Variants in MACROD2 observed in about 807,000 individuals in gnomAD.
The protein encoded by MACROD2 is ADP-ribose glycohydrolase MACROD2.
MACROD2 carries 36 observed loss-of-function variants against 70.4 expected under a neutral mutation model. That is an observed-to-expected ratio of 0.51 (90% CI 0.39 to 0.68). MACROD2 has a LOEUF of 0.68. Among genes scored for constraint, MACROD2 ranks in the 30% least tolerant of loss-of-function variants. The probability of loss-of-function intolerance (pLI) is 0.00; values close to 1 mark genes in which losing one functional copy is unlikely to be tolerated. For missense variants in MACROD2, 496 were observed against 538.4 expected, an observed-to-expected ratio of 0.92 and a Z score of 0.78; for synonymous variants, 172 against 178.8, an observed-to-expected ratio of 0.96 and a Z score of 0.30.
intron 5 of MACROD2, among the ~76,000 whole-genome samples, chr20:15,042,995 G>T (rs1388482751): frequency 6.6e-6 from 1 of 152,136 alleles, no homozygotes; most frequent in East Asian, 1.9e-4. Flanking sequence ...CAACATTCCT[G>T]GAAGTTTGTG....
intron 5 of MACROD2, among the ~76,000 whole-genome samples, chr20:15,098,827 T>A (rs1235365140): frequency 6.6e-6 from 1 of 152,060 alleles, no homozygotes; most frequent in Admixed American, 6.6e-5. Context: ...AATCAGAGAG[T>A]GTTCTAGAGA....
intron 6 of MACROD2, among the ~76,000 whole-genome samples, chr20:15,236,325 T>C (rs1274653139): frequency 6.6e-6 from 1 of 152,122 alleles, no homozygotes; most frequent in Non-Finnish European, 1.5e-5. Context: ...CATGGAATGA[T>C]AGTAAATTCA....
chr20:16,014,657 C>T (rs528283316), intron 15 of MACROD2, among the ~76,000 whole-genome samples: 1 of 152,320 alleles, frequency 6.6e-6, no homozygotes, highest in East Asian at 1.9e-4. Flanking sequence ...GGCCATGTCC[C>T]CTTCCTGTCC....
At chr20:15,239,437 T>C (rs1277505915) in intron 6 of MACROD2, among the ~76,000 whole-genome samples, 3 of 152,156 alleles carry the variant, frequency 2.0e-5, no homozygotes, top group Non-Finnish European at 2.9e-5. Context: ...TATTTTTGTT[T>C]GTTTATTTTA....
chr20:15,156,729 G>A (rs1453903958), intron 5 of MACROD2, among the ~76,000 whole-genome samples: 1 of 152,148 alleles, frequency 6.6e-6, no homozygotes, highest in Admixed American at 6.5e-5. Context: ...GAAGTCAAGG[G>A]TCTTCAGAGG....
At chr20:14,448,636 C>G (rs137885681) in intron 3 of MACROD2, among the ~76,000 whole-genome samples, 92 of 151,744 alleles carry the variant, frequency 6.1e-4, no homozygotes, top group African/African-American at 2.2e-3. Flanking sequence ...CCACTGCACT[C>G]CAGCCTGGGC....
chr20:14,785,492 G>A (rs188662568), intron 5 of MACROD2, among the ~76,000 whole-genome samples: 196 of 151,474 alleles, frequency 1.3e-3, no homozygotes, highest in Non-Finnish European at 1.9e-3. Flanking sequence ...AGTCCCCCTG[G>A]GGGACTTGGA....
chr20:14,862,486 AAT>A lies in MACROD2; in HGVS notation c.418+177537_418+177538del, dbSNP rs1355111782. Reference sequence around the variant, plus strand: ...AAATATATATATATAAATATATATAAATATATATATAAATATATATAAATATA... The same window carrying A: ...AAATATATATATATAAATATATATAAATATATATAAATATATATAAATATA... On this transcript the variant is annotated intron_variant, in intron 5 of 17. Transcript: ENST00000684519. Among the ~76,000 whole-genome samples, 3 of 9,162 alleles carry A rather than the reference AAT, an allele frequency of 3.3e-4. 1 individual carries two copies. Among genetic ancestry groups the A allele is most frequent in the South Asian group, 6.5e-3 (2 of 308 alleles). The allele number at this position is 9,162 out of a possible 152,430, so 6.0% of individuals were successfully genotyped here.
intron 4 of MACROD2, among the ~76,000 whole-genome samples, chr20:14,600,343 T>TATACAC (rs1320891260): frequency 1.5e-5 from 2 of 130,216 alleles, no homozygotes; most frequent in African/African-American, 6.3e-5. Flanking sequence ...TATATATATA[T>TATACAC]ACACACACAC....
At chr20:15,481,427 A>G (rs6043314) in intron 7 of MACROD2, among the ~76,000 whole-genome samples, 8,991 of 152,262 alleles carry the variant, frequency 0.059, 865 homozygotes, top group African/African-American at 0.2. Flanking sequence ...GATGAGGTAA[A>G]TGTTGTCACA....
chr20:14,882,428 G>C (rs2073620582), intron 5 of MACROD2, among the ~76,000 whole-genome samples: 1 of 152,132 alleles, frequency 6.6e-6, no homozygotes, highest in South Asian at 2.1e-4. Flanking sequence ...CTGAAGGGAA[G>C]AAGCATGTTT....
intron 5 of MACROD2, among the ~76,000 whole-genome samples, chr20:15,207,834 T>G (rs1439062061): frequency 6.6e-6 from 1 of 152,200 alleles, no homozygotes; most frequent in Non-Finnish European, 1.5e-5. Flanking sequence ...TTTGCTGCAT[T>G]CAAGATTTTT....
intron 5 of MACROD2, among the ~76,000 whole-genome samples, chr20:15,058,223 G>A (rs577364656): frequency 2.6e-5 from 4 of 152,084 alleles, no homozygotes; most frequent in South Asian, 2.1e-4. Flanking sequence ...AAGGTTAAAG[G>A]GGGACAGATG....
Position 15,457,296 on chromosome 20 carries a change from A to C in MACROD2, c.571+25861A>C, listed in dbSNP as rs565148375. On this transcript the variant is annotated intron_variant, in intron 7 of 17. Coordinates refer to ENST00000684519, the MANE Select transcript of MACROD2 (RefSeq NM_001351661.2). ...GATGTTTCTATTTTGAGGAGCTAAA[A>C]TGGTATAATGATAGATCTGGAAGTT... is the stretch of plus-strand genomic sequence containing the variant. 2.4e-3 allele frequency among the ~76,000 whole-genome samples: 366 copies of C among 152,216 alleles called. 2 individuals are homozygous for C. Among genetic ancestry groups the C allele is most frequent in the African/African-American group, 8.1e-3 (337 of 41,560 alleles).
chr20:14,580,475 C>T (rs1261204280), intron 4 of MACROD2, among the ~76,000 whole-genome samples: 1 of 151,862 alleles, frequency 6.6e-6, no homozygotes, highest in Non-Finnish European at 1.5e-5. Context: ...TATTATCATT[C>T]TCAATATAAA....
intron 5 of MACROD2, among the ~76,000 whole-genome samples, chr20:15,184,516 G>C (rs1171965671): frequency 6.6e-6 from 1 of 152,196 alleles, no homozygotes; most frequent in Non-Finnish European, 1.5e-5. Context: ...CCTGTAAGCA[G>C]TAAACTTGGG....
At chr20:15,593,447 G>A (rs568186587) in intron 8 of MACROD2, among the ~76,000 whole-genome samples, 56 of 152,110 alleles carry the variant, frequency 3.7e-4, no homozygotes, top group South Asian at 8.3e-4. Flanking sequence ...GAAAATATTG[G>A]CACAATGGCA....
At chr20:15,123,438 A>C (rs1200789595) in intron 5 of MACROD2, among the ~76,000 whole-genome samples, 1 of 152,236 alleles carries the variant, frequency 6.6e-6, no homozygotes, top group Non-Finnish European at 1.5e-5. Context: ...AAATTCGGCT[A>C]GTTCAAAGTG....
At chr20:14,709,207 A>G (rs1289799594) in intron 5 of MACROD2, among the ~76,000 whole-genome samples, 1 of 150,464 alleles carries the variant, frequency 6.6e-6, no homozygotes, top group Admixed American at 6.7e-5. Flanking sequence ...TAGGTTTTTT[A>G]TATAACACTA....
Sources: allele counts gnomAD v4.1 joint callset (sites outside exome capture counted in the v4.1 genomes callset), GRCh38; gene constraint gnomAD v4.1.1; transcripts MANE v1.5; gene names NCBI Gene and HGNC (gene_info 2026-07-23, HGNC 2026-07-21).